Variants in SEC14L3 observed in about 807,000 individuals in gnomAD.
SEC14L3 encodes SEC14-like protein 3.
Under a neutral mutation model 57.4 loss-of-function variants are expected in SEC14L3, and 56 were observed. The observed-to-expected ratio is 0.97, with a 90% CI of 0.79 to 1.22. The LOEUF (loss-of-function observed/expected upper bound fraction) is 1.22, where lower values mean the gene tolerates loss of function less well. Among genes scored for constraint, SEC14L3 ranks in the 50% most tolerant of loss-of-function variants. SEC14L3 has a pLI of 0.00. For missense variants in SEC14L3, 485 were observed against 511.7 expected, an observed-to-expected ratio of 0.95 and a Z score of 0.50; for synonymous variants, 173 against 194.4, an observed-to-expected ratio of 0.89 and a Z score of 0.92.
At chr22:30,453,962 C>T (rs1337061560) in intron 12 of SEC14L3, among the ~76,000 whole-genome samples, 8 of 152,148 alleles carry the variant, frequency 5.3e-5, no homozygotes. Flanking sequence ...AATCTCTCCT[C>T]CCCCCAACTG....
chr22:30,448,070 C>T (rs545159424), exon 13 of SEC14L3: 108 of 152,196 alleles, frequency 7.1e-4, no homozygotes, highest in African/African-American at 2.5e-3. Flanking sequence ...GGGCCTTCCT[C>T]CTGCCCTCTC....
chr22:30,450,857 T>C (rs1934967255), intron 12 of SEC14L3, among the ~76,000 whole-genome samples: 1 of 152,166 alleles, frequency 6.6e-6, no homozygotes, highest in South Asian at 2.1e-4. Context: ...GGTGGGCTCT[T>C]CCTAGCACAC....
At position 30,460,188 on chromosome 22, in the gene SEC14L3, C is replaced by A. The variant is rs367973221; in HGVS notation, c.1082-46G>T. On this transcript the variant is annotated intron_variant, in intron 11 of 11. Coordinates refer to ENST00000215812, the MANE Select transcript of SEC14L3 (RefSeq NM_174975.5). Reference sequence around the variant, plus strand: ...GGGGCATTGGGCTTGGCTTTACACACTCTTTTTTCCACCCCTGGCCATGGA... The same window carrying A: ...GGGGCATTGGGCTTGGCTTTACACAATCTTTTTTCCACCCCTGGCCATGGA... The A allele has an allele frequency of 5.6e-6, 9 of 1,597,720 alleles. No homozygotes were observed. The South Asian group carries it at 1.0e-4, about 18-fold the overall frequency.
In SEC14L3 at chr22:30,461,597, T is replaced by C; in HGVS notation, c.869A>G (p.His290Arg). The C allele has an allele frequency of 1.2e-6, 2 of 1,614,026 alleles. No homozygotes were observed. Among genetic ancestry groups the C allele is most frequent in the Non-Finnish European group, 1.7e-6 (2 of 1,179,978 alleles). ...AAATAGGATCTCGTATTCCACTTGG[T>C]GTGATGAGCCGCGGTTGATCTGCAC... ...HSVQINRGSS[H>R]QVEYEILFPG... is the part of the protein sequence containing the mutation. The change falls in exon 10 of 12, where the codon CAC becomes CGC. Residue 290 changes from histidine (H) to arginine (R), a missense_variant. By Grantham distance (29) the His-to-Arg change is conservative. Coordinates refer to ENST00000215812, the MANE Select transcript of SEC14L3 (RefSeq NM_174975.5).
intron 2 of SEC14L3, 39 bp downstream of exon 2, chr22:30,470,468 A>AT: frequency 6.2e-7 from 1 of 1,613,130 alleles, no homozygotes; most frequent in East Asian, 2.2e-5. Flanking sequence ...GCCCCTCTTG[A>AT]TGCCCCCTGA....
intron 2 of SEC14L3, 42 bp downstream of exon 2, chr22:30,470,465 T>C: frequency 6.2e-7 from 1 of 1,613,152 alleles, no homozygotes; most frequent in African/African-American, 1.3e-5. Context: ...CAGGCCCCTC[T>C]TGATGCCCCC....
downstream of SEC14L3, among the ~76,000 whole-genome samples, chr22:30,454,822 TA>T (rs1452610083): frequency 4.7e-4 from 17 of 36,220 alleles, no homozygotes; most frequent in Non-Finnish European, 5.7e-4. Context: ...TTATATATTA[TA>T]ATATAATATA....
chr22:30,463,427 G>A (rs151247874), intron 8 of SEC14L3, among the ~76,000 whole-genome samples: 122 of 152,294 alleles, frequency 8.0e-4, no homozygotes, highest in Admixed American at 2.4e-3. Flanking sequence ...CCACATACCA[G>A]AGCCAAATGA....
intron 8 of SEC14L3, among the ~76,000 whole-genome samples, chr22:30,462,778 C>T (rs1483929467): frequency 1.3e-5 from 2 of 149,470 alleles, no homozygotes; most frequent in African/African-American, 4.9e-5. Flanking sequence ...TGCTCTGTCA[C>T]CCAGGCTGGA....
downstream of SEC14L3, among the ~76,000 whole-genome samples, chr22:30,447,743 TG>T (rs1290139992): frequency 2.0e-5 from 3 of 152,180 alleles, no homozygotes; most frequent in Non-Finnish European, 2.9e-5. Context: ...AGGAGGACTT[TG>T]GAGCCTTCCT....
rs1215097960 is a variant in SEC14L3 at position 30,452,251 on chromosome 22, T to C, written c.905-3007A>G. On this transcript the variant is annotated intron_variant, in intron 12 of 12. Transcript: ENST00000403066. ...GAATTTTCTTTTCTTTCTTTCTTTTTTTTTTTTTTTTTTTTGAGATGGACT... is the reference window on the plus strand; with the variant it reads ...GAATTTTCTTTTCTTTCTTTCTTTTCTTTTTTTTTTTTTTTGAGATGGACT... 6.4e-4 allele frequency among the ~76,000 whole-genome samples: 92 copies of C among 143,084 alleles called. 2 individuals are homozygous for C. The highest frequency in any genetic ancestry group is 1.4e-3 in the African/African-American group (55 of 38,862). The allele number at this position is 143,084 out of a possible 152,430, so 93.9% of individuals were successfully genotyped here.
intron 8 of SEC14L3, among the ~76,000 whole-genome samples, chr22:30,464,274 C>T (rs561238315): frequency 7.0e-4 from 107 of 152,278 alleles, no homozygotes; most frequent in African/African-American, 2.3e-3. Flanking sequence ...GCCTATATAC[C>T]AGAAATTGAC....
rs763952159 is a variant in SEC14L3, at chr22:30,470,497, C to T, written c.130+10G>A. 1 of 1,614,130 alleles carries T rather than the reference C, an allele frequency of 6.2e-7. No individual in the cohort carries two copies. The highest frequency in any genetic ancestry group is 1.3e-5 in the African/African-American group (1 of 75,050). ...CCCCTGATCCCAACCTCTCCCACCTCTGCCCTCACCTCGGAGCCAGCGTAG... is the reference window on the plus strand; with the variant it reads ...CCCCTGATCCCAACCTCTCCCACCTTTGCCCTCACCTCGGAGCCAGCGTAG... On this transcript the variant is annotated intron_variant, in intron 2 of 11. Coordinates refer to ENST00000215812, the MANE Select transcript of SEC14L3 (RefSeq NM_174975.5).
chr22:30,451,401 G>A, intron 12 of SEC14L3, among the ~76,000 whole-genome samples: 1 of 152,100 alleles, frequency 6.6e-6, no homozygotes, highest in Non-Finnish European at 1.5e-5. Flanking sequence ...TCCGATGACA[G>A]GTGCTCCAAC....
chr22:30,467,777 A>T (rs8135169), intron 5 of SEC14L3, among the ~76,000 whole-genome samples: 3 of 152,068 alleles, frequency 2.0e-5, no homozygotes, highest in African/African-American at 4.8e-5. Flanking sequence ...AAAGGCTCAG[A>T]GGGAATAGCA....
At chr22:30,469,969 T>C (rs1935548774) in intron 4 of SEC14L3, 50 bp downstream of exon 4, 7 of 1,392,532 alleles carry the variant, frequency 5.0e-6, no homozygotes, top group African/African-American at 1.4e-5. Flanking sequence ...CCCAGTGACC[T>C]TGAGTGGTAC....
Position 30,459,765 on chromosome 22 carries a change from A to G in SEC14L3, c.*256T>C. ...AGGGGATTCATTTTGCTATTTATTG[A>G]GTTTCATGACACCCACTTCTTGCCT... On this transcript the variant is annotated 3_prime_UTR_variant, in exon 12 of 12. Coordinates refer to ENST00000215812, the MANE Select transcript of SEC14L3 (RefSeq NM_174975.5). The G allele has an allele frequency of 8.6e-7, 1 of 1,164,760 alleles. No individual in the cohort carries two copies. Among genetic ancestry groups the G allele is most frequent in the Non-Finnish European group, 1.1e-6 (1 of 939,278 alleles). The allele number at this position is 1,164,760 out of a possible 1,614,324, so 72.2% of individuals were successfully genotyped here.
At chr22:30,451,160 C>T (rs1036609830) in intron 12 of SEC14L3, among the ~76,000 whole-genome samples, 3 of 152,144 alleles carry the variant, frequency 2.0e-5, no homozygotes, top group Non-Finnish European at 2.9e-5. Context: ...GGGGGGCTGC[C>T]GGGGGTGGCG....
chr22:30,470,692 A>C lies in SEC14L3; in HGVS notation c.55-110T>G, dbSNP rs115036446. 2.1e-4 allele frequency: 332 copies of C among 1,545,376 alleles called. No homozygotes were observed. In the African/African-American group the frequency reaches 4.0e-3, roughly 19 times the overall value. On this transcript the variant is annotated intron_variant, in intron 1 of 11. Transcript: ENST00000215812. ...TTTCCTCCCACATGCAAAATGGCCC[A>C]CATTGATGAAAGGATGGGTTAATGG...
Sources: gnomAD v4.1 joint callset for allele counts (sites outside exome capture counted in the v4.1 genomes callset) on GRCh38, gnomAD v4.1.1 for gene constraint, MANE v1.5 for transcripts, NCBI Gene and HGNC (gene_info 2026-07-23, HGNC 2026-07-21) for gene names.